The following VTI1B variants were observed in gnomAD, a reference collection of about 807,000 sequenced individuals.
VTI1B encodes vesicle transport through interaction with t-SNAREs homolog 1B.
A neutral mutation model predicts 28.6 loss-of-function variants in VTI1B; 18 were observed. The observed-to-expected ratio is 0.63, with a 90% confidence interval of 0.43 to 0.93. The LOEUF is 0.93. Among genes scored for constraint, VTI1B ranks in the 40% least tolerant of loss-of-function variants. The pLI, the probability that VTI1B is intolerant of heterozygous loss-of-function variation, is 0.00. For missense variants in VTI1B, 283 were observed against 297.0 expected (o/e 0.95, Z 0.35); for synonymous variants, 100 against 107.9 (o/e 0.93, Z 0.46).
intron 2 of VTI1B, among the ~76,000 whole-genome samples, chr14:67,662,030 C>T (rs539854881): frequency 2.6e-5 from 4 of 152,094 alleles, no homozygotes; most frequent in South Asian, 2.1e-4. Context: ...GTGGCGCCCA[C>T]CTGTATTCCC....
chr14:67,657,961 C>T (rs2037285100), intron 3 of VTI1B, among the ~76,000 whole-genome samples: 1 of 151,898 alleles, frequency 6.6e-6, no homozygotes, highest in Admixed American at 6.5e-5. Context: ...GTTGGCCAGG[C>T]TGGTCTCGAA....
chr14:67,658,523 G>A (rs944455445), intron 3 of VTI1B, among the ~76,000 whole-genome samples: 5 of 152,176 alleles, frequency 3.3e-5, no homozygotes, highest in Non-Finnish European at 7.3e-5. Flanking sequence ...AGTGAACCCG[G>A]GAGGTGGAGC....
rs144887511 is a variant in VTI1B, at chr14:67,659,764, T to C, written c.333A>G (p.Lys111=). 6.3e-5 allele frequency: 102 copies of C among 1,613,716 alleles called. No individual in the cohort carries two copies. The African/African-American group carries it at 1.1e-3, about 18-fold the overall frequency. ...CATTCTCTACAGCATATATGCCATA[T>C]TTCATGTCTCCTCGGCCTCCAGGTG... The part of the protein sequence containing the change: ...TATPGGRGDM[K]YGIYAVENEH... Residue 111 remains lysine, a synonymous_variant, in exon 3 of 6, where the codon AAA becomes AAG. Transcript: ENST00000554659.
At position 67,651,253 on chromosome 14, in the gene VTI1B, C is replaced by T. The variant is rs2037171689; in HGVS notation, c.*132G>A. ...GGTTTTTCATCTTTCCTCCCTCCTCCCACAGCCTGGCTATACAGTGCATCC... is the reference window on the plus strand; with the variant it reads ...GGTTTTTCATCTTTCCTCCCTCCTCTCACAGCCTGGCTATACAGTGCATCC... On this transcript the variant is annotated 3_prime_UTR_variant, in exon 6 of 6. Transcript: ENST00000554659. 8 of 1,536,084 alleles carry T rather than the reference C, an allele frequency of 5.2e-6. No homozygotes were observed. In the South Asian group the frequency reaches 7.5e-5, roughly 14 times the overall value.
chr14:67,663,336 TTAAA>T (rs1254474284), intron 1 of VTI1B: 4 of 624,662 alleles, frequency 6.4e-6, no homozygotes, highest in Non-Finnish European at 8.0e-6. Context: ...TAACATTGTT[TTAAA>T]TAAATGTATT....
intron 1 of VTI1B, among the ~76,000 whole-genome samples, chr14:67,664,315 C>T (rs753265618): frequency 1.3e-5 from 2 of 152,176 alleles, no homozygotes; most frequent in Non-Finnish European, 2.9e-5. Flanking sequence ...TTTCACTACT[C>T]CAGGTACACC....
At chr14:67,672,123 ATT>A (rs5809360) in intron 1 of VTI1B, among the ~76,000 whole-genome samples, 164 of 143,444 alleles carry the variant, frequency 1.1e-3, no homozygotes, top group Middle Eastern at 7.3e-3. Context: ...TGCAGTCTAC[ATT>A]TTTTTTTTTT....
chr14:67,672,123 ATTT>A (rs5809360), intron 1 of VTI1B, among the ~76,000 whole-genome samples: 2 of 143,452 alleles, frequency 1.4e-5, no homozygotes, highest in Non-Finnish European at 1.5e-5. Context: ...TGCAGTCTAC[ATTT>A]TTTTTTTTTT....
chr14:67,657,165 A>C (rs1474974084), intron 3 of VTI1B: 1 of 152,182 alleles, frequency 6.6e-6, no homozygotes, highest in East Asian at 1.9e-4. Context: ...GGCCTGACTC[A>C]CTTGGCTTCT....
intron 1 of VTI1B, among the ~76,000 whole-genome samples, chr14:67,673,994 C>G (rs1362721138): frequency 6.6e-6 from 1 of 152,216 alleles, no homozygotes; most frequent in Non-Finnish European, 1.5e-5. Flanking sequence ...TACGGATCCT[C>G]TGTCAGTCTG....
intron 3 of VTI1B, among the ~76,000 whole-genome samples, chr14:67,657,598 G>GCACA (rs544102029): frequency 5.8e-4 from 65 of 112,420 alleles, no homozygotes; most frequent in African/African-American, 1.3e-3. Context: ...GCGCGCGCGT[G>GCACA]CACACACACA....
At chr14:67,659,300 A>C (rs1278702523) in intron 3 of VTI1B, among the ~76,000 whole-genome samples, 1 of 152,216 alleles carries the variant, frequency 6.6e-6, no homozygotes, top group Non-Finnish European at 1.5e-5. Context: ...TTGTAACAAT[A>C]TTCTGATAAA....
At position 67,659,718 on chromosome 14, in the gene VTI1B, A is replaced by G. The variant is rs1428968666; in HGVS notation, c.366+13T>C. On this transcript the variant is annotated intron_variant, in intron 3 of 5. Coordinates refer to ENST00000554659, the MANE Select transcript of VTI1B (RefSeq NM_006370.3). Reference sequence around the variant, plus strand: ...AAAGGAAAAAAAAAACAAACAAAACAGCTAAAACTTACCATATGCTCATTC... The same window carrying G: ...AAAGGAAAAAAAAAACAAACAAAACGGCTAAAACTTACCATATGCTCATTC... 9.5e-6 allele frequency: 15 copies of G among 1,577,562 alleles called. No homozygotes were observed. Among genetic ancestry groups the G allele is most frequent in the Non-Finnish European group, 1.1e-5 (13 of 1,166,568 alleles).
chr14:67,665,997 G>A (rs754267009), intron 1 of VTI1B, among the ~76,000 whole-genome samples: 2 of 152,096 alleles, frequency 1.3e-5, no homozygotes, highest in African/African-American at 2.4e-5. Flanking sequence ...AAATAATACC[G>A]ACAGTCAAAA....
intron 5 of VTI1B, among the ~76,000 whole-genome samples, chr14:67,652,934 T>C (rs1359811911): frequency 6.6e-6 from 1 of 151,902 alleles, no homozygotes; most frequent in African/African-American, 2.4e-5. Flanking sequence ...GGGATTACAG[T>C]GCCCGCCACT....
At chr14:67,662,707 C>T (rs2037352909) in intron 1 of VTI1B, among the ~76,000 whole-genome samples, 172 bp from the exon 2 acceptor site, 1 of 152,064 alleles carries the variant, frequency 6.6e-6, no homozygotes, top group Admixed American at 6.5e-5. Context: ...AGTTCAAGAC[C>T]ACCCTGGCCA....
chr14:67,659,806 G>A lies in VTI1B; in HGVS notation c.291C>T (p.Ser97=). ...DLAKLHREVR[S]TPLTATPGGR... Reference sequence around the variant, plus strand: ...CTCCAGGTGTGGCTGTCAAAGGTGTGCTTCTCACCTCCCGATGGAGTTTAG... The same window carrying A: ...CTCCAGGTGTGGCTGTCAAAGGTGTACTTCTCACCTCCCGATGGAGTTTAG... The change falls in exon 3 of 6, where the codon AGC becomes AGT. Residue 97 remains serine, a synonymous_variant. Coordinates refer to ENST00000554659, the MANE Select transcript of VTI1B (RefSeq NM_006370.3). 6.2e-7 allele frequency: 1 copy of A among 1,614,112 alleles called. No homozygotes were observed. Among genetic ancestry groups the A allele is most frequent in the Non-Finnish European group, 8.5e-7 (1 of 1,180,030 alleles).
intron 1 of VTI1B, among the ~76,000 whole-genome samples, chr14:67,668,627 G>C (rs1566817593): frequency 1.3e-5 from 2 of 152,052 alleles, no homozygotes; most frequent in Non-Finnish European, 2.9e-5. Flanking sequence ...CCTAGTCTGT[G>C]CTAGGCACTG....
chr14:67,666,705 C>T (rs2037406326), intron 1 of VTI1B, among the ~76,000 whole-genome samples: 1 of 152,124 alleles, frequency 6.6e-6, no homozygotes, highest in Non-Finnish European at 1.5e-5. Flanking sequence ...CTGCCTTTAC[C>T]ACTGAGGACA....
Sources: allele counts gnomAD v4.1 joint callset (sites outside exome capture counted in the v4.1 genomes callset), GRCh38; gene constraint gnomAD v4.1.1; transcripts MANE v1.5; gene names NCBI Gene and HGNC (gene_info 2026-07-23, HGNC 2026-07-21).